PIK3C2A: variants seen among roughly 807,000 people sequenced by gnomAD.
PIK3C2A encodes the protein phosphatidylinositol 4-phosphate 3-kinase C2 domain-containing subunit alpha.
Under a neutral mutation model 204.5 loss-of-function variants are expected in PIK3C2A, and 97 were observed. That is an observed-to-expected ratio of 0.47 (90% CI 0.40 to 0.56). The LOEUF (loss-of-function observed/expected upper bound fraction) is 0.56. Ranked by LOEUF, PIK3C2A falls within the 20% of genes least tolerant of loss-of-function variation. PIK3C2A has a pLI of 0.00. For missense variants in PIK3C2A, 1,735 were observed against 1,969.2 expected (o/e 0.88, Z 2.25); for synonymous variants, 653 against 664.4 (o/e 0.98, Z 0.26).
At chr11:17,165,936 T>C (rs1850934111) in intron 2 of PIK3C2A, among the ~76,000 whole-genome samples, 1 of 151,920 alleles carries the variant, frequency 6.6e-6, no homozygotes, top group African/African-American at 2.4e-5. Flanking sequence ...AAGTAAATAA[T>C]AGAATAAACA....
chr11:17,160,432 T>C (rs992515664), intron 2 of PIK3C2A, among the ~76,000 whole-genome samples: 1 of 152,142 alleles, frequency 6.6e-6, no homozygotes, highest in Admixed American at 6.6e-5. Flanking sequence ...AAGGGCTAAA[T>C]GGTGAATATG....
At chr11:17,121,519 G>T (rs979585454) in intron 15 of PIK3C2A, among the ~76,000 whole-genome samples, 1 of 152,216 alleles carries the variant, frequency 6.6e-6, no homozygotes, top group South Asian at 2.1e-4. Context: ...GGCACTGCTG[G>T]GACAGAATAT....
chr11:17,107,249 C>A (rs915372745), intron 22 of PIK3C2A, among the ~76,000 whole-genome samples: 1 of 152,068 alleles, frequency 6.6e-6, no homozygotes, highest in Non-Finnish European at 1.5e-5. Flanking sequence ...GGAGGCGGAG[C>A]TTGCAGTGAG....
chr11:17,186,819 T>C (rs1246563488), intron 1 of PIK3C2A, among the ~76,000 whole-genome samples: 3 of 152,234 alleles, frequency 2.0e-5, no homozygotes, highest in Non-Finnish European at 4.4e-5. Context: ...TTGATGCCTA[T>C]AATCCCAGCA....
At chr11:17,131,533 T>C (rs1362296790) in intron 12 of PIK3C2A, among the ~76,000 whole-genome samples, 1 of 151,118 alleles carries the variant, frequency 6.6e-6, no homozygotes, top group Non-Finnish European at 1.5e-5. Context: ...GACATTCTCC[T>C]GCCTCAGCCT....
chr11:17,127,591 G>A (rs1043741909), intron 13 of PIK3C2A, among the ~76,000 whole-genome samples: 1 of 152,156 alleles, frequency 6.6e-6, no homozygotes, highest in Non-Finnish European at 1.5e-5. Flanking sequence ...TTACAGGTGT[G>A]AGCCACTGTG....
intron 1 of PIK3C2A, among the ~76,000 whole-genome samples, chr11:17,206,938 AACCCCC>A (rs1430931627): frequency 1.3e-5 from 2 of 152,182 alleles, no homozygotes; most frequent in Non-Finnish European, 2.9e-5. Flanking sequence ...ACTTAATTCA[AACCCCC>A]ACTGTTCAAA....
intron 3 of PIK3C2A, 81 bp from the exon 4 acceptor site, chr11:17,150,736 C>T (rs1311342739): frequency 1.3e-5 from 12 of 935,456 alleles, no homozygotes; most frequent in South Asian, 6.6e-5. Context: ...TACATGTTTA[C>T]AGCCACTCAG....
rs1163245809 is a variant in PIK3C2A at position 17,092,268 on chromosome 11, T to C, written c.4460A>G (p.Asn1487Ser). The change falls in exon 29 of 33, where the codon AAT becomes AGT. Residue 1487 changes from asparagine (N) to serine (S), a missense_variant. By Grantham distance (46) the Asn-to-Ser change is conservative (BLOSUM62 1). This residue lies in a region of PIK3C2A where 503 missense variants were observed against 669.0 expected (regional missense o/e 0.75). Transcript: ENST00000691414. ...FPLWKLPGFPNRMVLGRTHIK... is the reference protein window; with the variant it reads ...FPLWKLPGFPSRMVLGRTHIK... Reference sequence around the variant, plus strand: ...GTGTGTTCTTCCTAGAACCATCCTATTAGGAAAGCTACAAAAGAAAAACAA... The same window carrying C: ...GTGTGTTCTTCCTAGAACCATCCTACTAGGAAAGCTACAAAAGAAAAACAA... The C allele has an allele frequency of 6.8e-7, 1 of 1,478,136 alleles. No homozygotes were observed. 91.6% of individuals were successfully genotyped at this position (1,478,136 alleles called of 1,614,324 possible).
In PIK3C2A at chr11:17,117,511, C is replaced by A; in HGVS notation, c.3196G>T (p.Ala1066Ser). 1 of 1,613,096 alleles carries A rather than the reference C, an allele frequency of 6.2e-7. No individual in the cohort carries two copies. Residue 1066 changes from alanine to serine, a missense_variant, in exon 19 of 33, where the codon GCT becomes TCT. Physicochemically the swap from Ala to Ser is moderately conservative, Grantham distance 99 (BLOSUM62 1). This residue lies in a region of PIK3C2A where 567 missense variants were observed against 576.0 expected (regional missense o/e 0.98). Transcript: ENST00000691414. ...CATACCTGTCTGGCTGATCCACTAGCCTGCCTTACTTTTTCTGCTACTCCT... is the reference window on the plus strand; with the variant it reads ...CATACCTGTCTGGCTGATCCACTAGACTGCCTTACTTTTTCTGCTACTCCT... The part of the protein sequence containing the change: ...LGGVAEKVRQ[A>S]SGSARQVVLQ...
intron 22 of PIK3C2A, among the ~76,000 whole-genome samples, chr11:17,107,112 G>A (rs934712604): frequency 6.6e-5 from 10 of 152,116 alleles, no homozygotes; most frequent in African/African-American, 2.4e-4. Flanking sequence ...AGGAGATCGA[G>A]ACCATCCTGG....
At chr11:17,178,199 T>C (rs1001362732) in intron 1 of PIK3C2A, among the ~76,000 whole-genome samples, 7 of 151,908 alleles carry the variant, frequency 4.6e-5, no homozygotes, top group African/African-American at 1.5e-4. Flanking sequence ...ATCAAAAATA[T>C]TGTCATTTTA....
intron 25 of PIK3C2A, 121 bp downstream of exon 25, chr11:17,101,157 T>C (rs1381658289): frequency 1.8e-6 from 1 of 554,474 alleles, no homozygotes; most frequent in Non-Finnish European, 3.1e-6. Context: ...TGAGCAATAA[T>C]GTATCTGACA....
chr11:17,092,692 G>C (rs1188308570), intron 28 of PIK3C2A, among the ~76,000 whole-genome samples: 3 of 152,028 alleles, frequency 2.0e-5, no homozygotes, highest in Non-Finnish European at 4.4e-5. Flanking sequence ...AATTTTTTGT[G>C]ATTTCTCTTC....
intron 13 of PIK3C2A, among the ~76,000 whole-genome samples, chr11:17,127,605 AGCCAATAAATGTTATTTTTAAGCACATGG>A (rs1166946923): frequency 6.6e-6 from 1 of 152,192 alleles, no homozygotes; most frequent in East Asian, 1.9e-4. Flanking sequence ...CACTGTGCCC[AGCCAATAAATGTTATTTTTAAGCACATGG>A]GAAAAGAATA....
chr11:17,135,436 A>T (rs1395346689), intron 9 of PIK3C2A, among the ~76,000 whole-genome samples: 2 of 152,224 alleles, frequency 1.3e-5, no homozygotes, highest in African/African-American at 2.4e-5. Context: ...TCTAGAAGTG[A>T]CAAGTACAGT....
At chr11:17,135,314 A>T (rs1849835860) in intron 9 of PIK3C2A, among the ~76,000 whole-genome samples, 155 bp from the exon 10 acceptor site, 1 of 152,144 alleles carries the variant, frequency 6.6e-6, no homozygotes, top group Non-Finnish European at 1.5e-5. Context: ...AAAGAAAGGG[A>T]AAACCACAAA....
In PIK3C2A at chr11:17,149,790, G is replaced by T. The variant is rs138646036; in HGVS notation, c.1327+708C>A. On this transcript the variant is annotated intron_variant, in intron 4 of 32. Coordinates refer to ENST00000691414, the MANE Select transcript of PIK3C2A (RefSeq NM_002645.4). Reference sequence around the variant, plus strand: ...AAGAATAATTGTTACAGTAGCTAATGGTTTTCTGTTTCAGATTTATATTTT... The same window carrying T: ...AAGAATAATTGTTACAGTAGCTAATTGTTTTCTGTTTCAGATTTATATTTT... Among the ~76,000 whole-genome samples the T allele has an allele frequency of 9.1e-4, 138 of 152,090 alleles. 1 individual carries two copies. In the East Asian group the frequency reaches 0.021, roughly 23 times the overall value.
intron 1 of PIK3C2A, among the ~76,000 whole-genome samples, chr11:17,199,996 T>C (rs546474634): frequency 2.0e-5 from 3 of 151,324 alleles, no homozygotes; most frequent in Admixed American, 6.6e-5. Context: ...CAGAGTTTGT[T>C]TGGGATGGTA....
Sources: allele counts gnomAD v4.1 joint callset (sites outside exome capture counted in the v4.1 genomes callset), GRCh38; gene constraint gnomAD v4.1.1; regional missense constraint gnomAD v4.1.1; transcripts MANE v1.5; gene names NCBI Gene and HGNC (gene_info 2026-07-23, HGNC 2026-07-21).